The following SHANK2 variants were observed in gnomAD, a reference collection of about 807,000 sequenced individuals.
SHANK2 encodes SH3 and multiple ankyrin repeat domains 2.
Under a neutral mutation model 133.7 loss-of-function variants are expected in SHANK2, and 43 were observed. The observed-to-expected ratio is 0.32, with a 90% CI of 0.25 to 0.41. The LOEUF is 0.41. Among genes scored for constraint, SHANK2 ranks in the 10% least tolerant of loss-of-function variants. SHANK2 has a pLI of 1.00. For missense variants in SHANK2, 1,994 were observed against 2,235.8 expected, an observed-to-expected ratio of 0.89 and a Z score of 2.18; for synonymous variants, 1,017 against 952.8, an observed-to-expected ratio of 1.07 and a Z score of -1.24.
At chr11:70,498,440 G>T (rs1394460313) in intron 21 of SHANK2, among the ~76,000 whole-genome samples, 2 of 152,188 alleles carry the variant, frequency 1.3e-5, no homozygotes, top group Non-Finnish European at 2.9e-5. Flanking sequence ...CACCTTCCAA[G>T]GGCTAGAGTC....
intron 10 of SHANK2, chr11:70,911,207 TTTG>T (rs1565400862): frequency 6.6e-6 from 3 of 456,238 alleles, no homozygotes; most frequent in Admixed American, 2.4e-5. Context: ...GATGAGTTTT[TTTG>T]TTGTTGTTGT....
At position 70,500,422 on chromosome 11, in the gene SHANK2, G is replaced by T; in HGVS notation, c.2308+148C>A. On this transcript the variant is annotated intron_variant, in intron 21 of 25. Coordinates refer to ENST00000601538, the MANE Select transcript of SHANK2 (RefSeq NM_012309.5). The surrounding 1 kb of genome is among the most constrained non-coding windows in gnomAD (Gnocchi z 4.5). The stretch of plus-strand genomic sequence containing the variant: ...GAACAGACAGATGAATGTGCTCCAG[G>T]GCGGCAGGGCTCCTCGGGCAGGACC... The T allele has an allele frequency of 1.0e-6, 1 of 992,018 alleles. No individual in the cohort carries two copies. Among genetic ancestry groups the T allele is most frequent in the East Asian group, 2.6e-5 (1 of 38,218 alleles). The allele number at this position is 992,018 out of a possible 1,614,324, so 61.5% of individuals were successfully genotyped here.
At chr11:70,714,930 C>T (rs1945875330) in intron 14 of SHANK2, among the ~76,000 whole-genome samples, 2 of 151,836 alleles carry the variant, frequency 1.3e-5, no homozygotes, top group Non-Finnish European at 2.9e-5. Context: ...CTCAGCCTCC[C>T]GAGTAGCTGA....
intron 14 of SHANK2, among the ~76,000 whole-genome samples, chr11:70,763,444 C>T (rs1272991493): frequency 6.6e-6 from 1 of 152,060 alleles, no homozygotes; most frequent in Non-Finnish European, 1.5e-5. Context: ...GCATCAGGGC[C>T]TGGCTCTGCA....
intron 5 of SHANK2, among the ~76,000 whole-genome samples, chr11:71,113,007 T>C (rs1951914622): frequency 1.3e-5 from 2 of 152,124 alleles, no homozygotes; most frequent in Admixed American, 1.3e-4. Context: ...CAGATCCCAC[T>C]CTCTTCAGAG....
chr11:71,203,215 G>A (rs1456009380), intron 2 of SHANK2, among the ~76,000 whole-genome samples: 1 of 152,154 alleles, frequency 6.6e-6, no homozygotes, highest in African/African-American at 2.4e-5. Context: ...TGCTGGAGAT[G>A]GTGAGGAGGC....
intron 17 of SHANK2, among the ~76,000 whole-genome samples, chr11:70,657,822 G>C (rs1177037148): frequency 1.3e-5 from 2 of 152,164 alleles, no homozygotes; most frequent in Non-Finnish European, 1.5e-5. Context: ...CAGAAGTGTG[G>C]AAACTCTCAA....
At chr11:70,864,028 T>G in intron 11 of SHANK2, 1 of 369,262 alleles carries the variant, frequency 2.7e-6, no homozygotes, top group Non-Finnish European at 5.3e-6. Context: ...TCCCCTGTCC[T>G]GGCCCCTCAG....
At chr11:70,531,611 T>A (rs1286762370) in intron 17 of SHANK2, among the ~76,000 whole-genome samples, 1 of 152,184 alleles carries the variant, frequency 6.6e-6, no homozygotes, top group Non-Finnish European at 1.5e-5. Flanking sequence ...CATCTCAGTG[T>A]CCCCAGGCCT....
Position 70,486,346 on chromosome 11 carries a change from A to G in SHANK2, c.3947T>C (p.Val1316Ala). The G allele has an allele frequency of 6.2e-7, 1 of 1,613,868 alleles. No homozygotes were observed. The highest frequency in any genetic ancestry group is 8.5e-7 in the Non-Finnish European group (1 of 1,180,016). ...CAGCTTAGTGGCGTCCACGGTGTGCACCATCAGCAGGCCAGCCGACTTCTG... is the reference window on the plus strand; with the variant it reads ...CAGCTTAGTGGCGTCCACGGTGTGCGCCATCAGCAGGCCAGCCGACTTCTG... Reference protein sequence around the residue: ...SQQKSAGLLMVHTVDATKLDN... With the variant: ...SQQKSAGLLMAHTVDATKLDN... The change falls in exon 25 of 26, where the codon GTG becomes GCG. Residue 1316 changes from valine to alanine, a missense_variant. Val to Ala is a moderately conservative substitution (Grantham distance 64, BLOSUM62 0). This residue lies in a region of SHANK2 where 797 missense variants were observed against 907.4 expected (regional missense o/e 0.88). Transcript: ENST00000601538. This position sits in a 1 kb window ranked among gnomAD's most constrained non-coding sequence, Gnocchi z 8.0.
At chr11:70,678,440 C>G (rs1212947990) in intron 15 of SHANK2, among the ~76,000 whole-genome samples, 1 of 151,420 alleles carries the variant, frequency 6.6e-6, no homozygotes, top group African/African-American at 2.4e-5. Flanking sequence ...AGCCTCCTGC[C>G]TGTTCTTTAT....
chr11:70,622,651 G>GATCTCAAGATCTC (rs1226372468), intron 17 of SHANK2, among the ~76,000 whole-genome samples: 3 of 152,198 alleles, frequency 2.0e-5, no homozygotes, highest in Non-Finnish European at 4.4e-5. Context: ...TTCTGCTCAT[G>GATCTCAAGATCTC]ATCTCAAGAT....
At chr11:70,745,862 C>T (rs569801185) in intron 14 of SHANK2, among the ~76,000 whole-genome samples, 6 of 152,348 alleles carry the variant, frequency 3.9e-5, no homozygotes, top group South Asian at 2.1e-4. Flanking sequence ...TGCCCTGATC[C>T]GCCACACCTG....
At chr11:70,644,823 A>G (rs1339006848) in intron 17 of SHANK2, among the ~76,000 whole-genome samples, 1 of 152,212 alleles carries the variant, frequency 6.6e-6, no homozygotes, top group African/African-American at 2.4e-5. Context: ...CCTTTTGCCA[A>G]GACCGACACC....
rs572630006 is a variant in SHANK2, at chr11:71,251,081, G to C, written c.-113+1344C>G. ...AGCTGCCAGCCCCCGAGAGCCTTAC[G>C]TACTTTCGCCTGACCCCCCCACCAC... is the stretch of plus-strand genomic sequence containing the variant. On this transcript the variant is annotated intron_variant, in intron 1 of 25. Transcript: ENST00000601538. 5.1e-3 allele frequency among the ~76,000 whole-genome samples: 768 copies of C among 151,766 alleles called. 13 individuals are homozygous for C. Among genetic ancestry groups the C allele is most frequent in the African/African-American group, 0.018 (746 of 41,360 alleles).
chr11:71,212,558 G>A (rs1304581364), intron 2 of SHANK2, among the ~76,000 whole-genome samples: 1 of 152,164 alleles, frequency 6.6e-6, no homozygotes. Context: ...AGTGAACAGA[G>A]CAAACGTGCC....
At chr11:70,745,003 G>A (rs1264061284) in intron 14 of SHANK2, among the ~76,000 whole-genome samples, 2 of 152,210 alleles carry the variant, frequency 1.3e-5, no homozygotes, top group African/African-American at 4.8e-5. Flanking sequence ...GGACACCGGC[G>A]CCCTGACCCA....
intron 2 of SHANK2, among the ~76,000 whole-genome samples, chr11:71,203,170 A>C (rs1209304302): frequency 6.6e-6 from 1 of 152,008 alleles, no homozygotes; most frequent in Admixed American, 6.6e-5. Flanking sequence ...TGTGAGGGGG[A>C]GGCGCAGGGT....
At chr11:70,592,196 T>A (rs528496474) in intron 17 of SHANK2, among the ~76,000 whole-genome samples, 171 of 152,264 alleles carry the variant, frequency 1.1e-3, no homozygotes, top group African/African-American at 3.9e-3. Flanking sequence ...GCCGGCCTCC[T>A]CACTCTACCT....
Sources: allele counts gnomAD v4.1 joint callset (sites outside exome capture counted in the v4.1 genomes callset), GRCh38; gene constraint gnomAD v4.1.1; regional missense constraint gnomAD v4.1.1; non-coding constraint Gnocchi (gnomAD v3.1); transcripts MANE v1.5; gene names NCBI Gene and HGNC (gene_info 2026-07-23, HGNC 2026-07-21).